The following CCT5 variants were observed in gnomAD, a reference collection of about 807,000 sequenced individuals.
CCT5 encodes the protein chaperonin containing TCP1 subunit 5.
Under a neutral mutation model 55.0 loss-of-function variants are expected in CCT5, and 6 were observed. The ratio of observed to expected loss-of-function variants is 0.11; its 90% CI spans 0.06 to 0.22. CCT5 has a LOEUF of 0.22. Among genes scored for constraint, CCT5 ranks in the 10% least tolerant of loss-of-function variants. The probability of loss-of-function intolerance (pLI) is 1.00; values close to 1 mark genes in which losing one functional copy is unlikely to be tolerated. For missense variants in CCT5, 560 were observed against 694.6 expected (o/e 0.81, Z 2.18); for synonymous variants, 231 against 243.7 (o/e 0.95, Z 0.49).
chr5:10,252,388 A>G (rs1030235240), intron 1 of CCT5, among the ~76,000 whole-genome samples: 2 of 152,240 alleles, frequency 1.3e-5, no homozygotes, highest in African/African-American at 4.8e-5. Context: ...AGAGCCTTAA[A>G]GGTAATATGT....
At chr5:10,254,057 AT>A in intron 1 of CCT5, 87 bp from the exon 2 acceptor site, 4 of 868,650 alleles carry the variant, frequency 4.6e-6, no homozygotes. Flanking sequence ...AAACTAAGTC[AT>A]AAGTGATTTT....
At chr5:10,264,030 T>C (rs1013886700) in intron 10 of CCT5, among the ~76,000 whole-genome samples, 25 of 152,204 alleles carry the variant, frequency 1.6e-4, no homozygotes, top group African/African-American at 5.8e-4. Context: ...CCCAGCACTT[T>C]AGGAGGCCAA....
At chr5:10,251,040 A>G (rs887612054) in intron 1 of CCT5, 2 of 221,838 alleles carry the variant, frequency 9.0e-6, no homozygotes, top group Non-Finnish European at 1.5e-5. Context: ...GGGTGCACAT[A>G]AGCGTGGTGC....
At chr5:10,260,036 C>T (rs564505273) in intron 6 of CCT5, among the ~76,000 whole-genome samples, 5 of 152,198 alleles carry the variant, frequency 3.3e-5, no homozygotes, top group African/African-American at 9.6e-5. Context: ...GTTGGTTTTC[C>T]GGGGTTGTGA....
intron 4 of CCT5, among the ~76,000 whole-genome samples, chr5:10,257,528 G>A (rs949823617): frequency 6.6e-6 from 1 of 152,156 alleles, no homozygotes; most frequent in Non-Finnish European, 1.5e-5. Flanking sequence ...GGTTTCCCTA[G>A]TTGTTTTTCT....
At position 10,254,138 on chromosome 5, in the gene CCT5, T is replaced by C; in HGVS notation, c.106-7T>C. On this transcript the variant is annotated splice_polypyrimidine_tract_variant and splice_region_variant and intron_variant, in intron 1 of 10. Coordinates refer to ENST00000280326, the MANE Select transcript of CCT5 (RefSeq NM_012073.5). Reference sequence around the variant, plus strand: ...ACAGTGTTTGCTTTTTCTGTTTGTTTCATTAGTCTCATATAATGGCAGCAA... The same window carrying C: ...ACAGTGTTTGCTTTTTCTGTTTGTTCCATTAGTCTCATATAATGGCAGCAA... 1 of 1,597,140 alleles carries C rather than the reference T, an allele frequency of 6.3e-7. No individual in the cohort carries two copies.
At chr5:10,257,941 G>C in intron 4 of CCT5, 170 bp from the exon 5 acceptor site, 1 of 708,322 alleles carries the variant, frequency 1.4e-6, no homozygotes, top group Non-Finnish European at 2.5e-6. Context: ...TGGATCACAG[G>C]TTAAGAATCT....
Position 10,262,635 on chromosome 5 carries a change from G to A in CCT5, c.1317+17G>A, listed in dbSNP as rs1746022618. On this transcript the variant is annotated intron_variant, in intron 9 of 10. Transcript: ENST00000280326. ...GCGGATAAGGTAAGGGATCTGTGCA[G>A]ACTTAGTGAAAGATTCAGGCCTCGC... The A allele has an allele frequency of 1.9e-6, 3 of 1,613,898 alleles. No individual in the cohort carries two copies. Among genetic ancestry groups the A allele is most frequent in the Non-Finnish European group, 2.5e-6 (3 of 1,179,880 alleles).
In CCT5 at chr5:10,262,087, TAA is replaced by T. The variant is rs562010758; in HGVS notation, c.1179+343_1179+344del. The stretch of plus-strand genomic sequence containing the variant: ...GGTTAAACTGCTAGCCCTAGCAACA[TAA>T]GACTCATTTTAATTACAATATGGTA... On this transcript the variant is annotated intron_variant, in intron 8 of 10. Transcript: ENST00000280326. The T allele has an allele frequency of 1.2e-3, 480 of 394,778 alleles. 2 individuals carry two copies. The highest frequency in any genetic ancestry group is 2.1e-3 in the Non-Finnish European group (442 of 209,332). 24.5% of individuals were successfully genotyped at this position (394,778 alleles called of 1,614,324 possible).
intron 6 of CCT5, among the ~76,000 whole-genome samples, chr5:10,258,784 G>A (rs1448457976): frequency 6.6e-6 from 1 of 152,200 alleles, no homozygotes. Flanking sequence ...CAGATCGTGA[G>A]ATCATCGAGA....
At chr5:10,255,125 A>T (rs531940178) in intron 3 of CCT5, 3 of 425,142 alleles carry the variant, frequency 7.1e-6, no homozygotes, top group African/African-American at 6.0e-5. Context: ...AACGTGGAAG[A>T]ATTTGATTTT....
chr5:10,254,473 A>G (rs754615590), intron 2 of CCT5: 3 of 632,070 alleles, frequency 4.7e-6, no homozygotes, highest in South Asian at 1.9e-5. Context: ...TTAACATTAT[A>G]CTTAATGATG....
chr5:10,260,038 G>C (rs751437323), intron 6 of CCT5, among the ~76,000 whole-genome samples: 33 of 152,304 alleles, frequency 2.2e-4, no homozygotes, highest in Non-Finnish European at 4.3e-4. Flanking sequence ...TGGTTTTCCG[G>C]GGTTGTGACG....
At chr5:10,262,997 C>G (rs200122374) in intron 9 of CCT5, 137 bp from the exon 10 acceptor site, 6 of 761,992 alleles carry the variant, frequency 7.9e-6, no homozygotes, top group African/African-American at 6.9e-5. Flanking sequence ...CTGATAGATA[C>G]AAAAATAAAG....
At chr5:10,255,052 AT>A in intron 3 of CCT5, 1 of 570,060 alleles carries the variant, frequency 1.8e-6, no homozygotes, top group Non-Finnish European at 3.2e-6. Flanking sequence ...GCATGGAGAA[AT>A]GTGTAATGAT....
chr5:10,250,123 C>T, upstream of CCT5: 2 of 1,533,888 alleles, frequency 1.3e-6, no homozygotes, highest in Non-Finnish European at 1.7e-6. Flanking sequence ...GTCTTCAAAC[C>T]TCCCCCTCCC....
chr5:10,263,323 C>T lies in CCT5; in HGVS notation c.1498+9C>T, dbSNP rs1315308760. Reference sequence around the variant, plus strand: ...GCACAAGGGGACAAATGGTGAGGAGCTGTCACGCCTCTGCGTGGAGGGGGG... The same window carrying T: ...GCACAAGGGGACAAATGGTGAGGAGTTGTCACGCCTCTGCGTGGAGGGGGG... On this transcript the variant is annotated intron_variant, in intron 10 of 10. Transcript: ENST00000280326. 8.8e-6 allele frequency: 14 copies of T among 1,582,438 alleles called. No homozygotes were observed. The highest frequency in any genetic ancestry group is 8.6e-6 in the Non-Finnish European group (10 of 1,168,650).
intron 8 of CCT5, 42 bp downstream of exon 8, chr5:10,261,787 C>A: frequency 6.4e-7 from 1 of 1,552,144 alleles, no homozygotes; most frequent in Non-Finnish European, 8.9e-7. Flanking sequence ...GCTTATTTTG[C>A]TTCATGGTCT....
At chr5:10,255,832 G>C (rs1360244368) in intron 3 of CCT5, 123 bp from the exon 4 acceptor site, 4 of 868,090 alleles carry the variant, frequency 4.6e-6, no homozygotes, top group Non-Finnish European at 7.5e-6. Flanking sequence ...CTGCCTCTAA[G>C]ATGACTTGCA....
Sources: allele counts gnomAD v4.1 joint callset (sites outside exome capture counted in the v4.1 genomes callset), GRCh38; gene constraint gnomAD v4.1.1; transcripts MANE v1.5; gene names NCBI Gene and HGNC (gene_info 2026-07-23, HGNC 2026-07-21).